RANBP10: variants seen among roughly 807,000 people sequenced by gnomAD.
The protein encoded by RANBP10 is RAN binding protein 10, also known as ran-binding protein 10.
Under a neutral mutation model 72.8 loss-of-function variants are expected in RANBP10, and 24 were observed. The observed-to-expected ratio is 0.33, with a 90% CI of 0.24 to 0.46. The LOEUF (loss-of-function observed/expected upper bound fraction) is 0.46. Ranked by LOEUF, RANBP10 falls within the 20% of genes least tolerant of loss-of-function variation. The probability of loss-of-function intolerance (pLI) is 1.00; values close to 1 mark genes in which losing one functional copy is unlikely to be tolerated. For missense variants in RANBP10, 679 were observed against 817.5 expected (o/e 0.83, Z 2.07); for synonymous variants, 310 against 322.3 (o/e 0.96, Z 0.41).
intron 3 of RANBP10, among the ~76,000 whole-genome samples, chr16:67,752,432 C>A (rs2054214398): frequency 6.6e-6 from 1 of 152,122 alleles, no homozygotes; most frequent in South Asian, 2.1e-4. Context: ...AAGAACGCAG[C>A]CCTGCCAATA....
At position 67,730,323 on chromosome 16, in the gene RANBP10, G is replaced by A. The variant is rs1045364973; in HGVS notation, c.890-277C>T. ...GGTAAATGTGGAGGTCTGCTCCTGC[G>A]GGGCACATGGTGCCAGGGACCTGGG... is the stretch of plus-strand genomic sequence containing the variant. On this transcript the variant is annotated intron_variant, in intron 7 of 13. Coordinates refer to ENST00000317506, the MANE Select transcript of RANBP10 (RefSeq NM_020850.3). The surrounding 1 kb of genome is among the most constrained non-coding windows in gnomAD (Gnocchi z 4.3). Among the ~76,000 whole-genome samples the A allele has an allele frequency of 4.6e-5, 7 of 152,184 alleles. No individual in the cohort carries two copies. Among genetic ancestry groups the A allele is most frequent in the South Asian group, 4.1e-4 (2 of 4,832 alleles).
intron 2 of RANBP10, 148 bp downstream of exon 2, chr16:67,805,280 C>A: frequency 1.6e-6 from 1 of 614,094 alleles, no homozygotes; most frequent in Non-Finnish European, 2.8e-6. Context: ...TTAGACCAGA[C>A]CATGCCCACA....
intron 2 of RANBP10, among the ~76,000 whole-genome samples, chr16:67,800,123 AAACAAC>A (rs893518767): frequency 1.3e-5 from 2 of 151,886 alleles, no homozygotes; most frequent in African/African-American, 4.8e-5. Context: ...TCTGTTTCAA[AAACAAC>A]AACAACAACA....
chr16:67,772,642 A>C (rs772400877), intron 2 of RANBP10, among the ~76,000 whole-genome samples: 9 of 152,048 alleles, frequency 5.9e-5, no homozygotes, highest in Non-Finnish European at 1.3e-4. Flanking sequence ...AAACCACACA[A>C]AGCTGGGAGT....
chr16:67,801,999 G>A (rs1442335092), intron 2 of RANBP10, among the ~76,000 whole-genome samples: 1 of 151,932 alleles, frequency 6.6e-6, no homozygotes, highest in East Asian at 1.9e-4. Flanking sequence ...GGAAGCTGAG[G>A]TGGGAGGATT....
chr16:67,800,093 G>T (rs565718066), intron 2 of RANBP10, among the ~76,000 whole-genome samples: 1 of 152,000 alleles, frequency 6.6e-6, no homozygotes, highest in Non-Finnish European at 1.5e-5. Context: ...CTGCACTCCA[G>T]CCTGGCAACA....
chr16:67,734,746 A>G, intron 6 of RANBP10, 112 bp downstream of exon 6: 2 of 1,168,112 alleles, frequency 1.7e-6, no homozygotes, highest in African/African-American at 1.6e-5. Context: ...TGCTTCCCAG[A>G]AAGGATCCAC....
intron 3 of RANBP10, among the ~76,000 whole-genome samples, chr16:67,756,841 C>T (rs1181420532): frequency 6.6e-6 from 1 of 152,138 alleles, no homozygotes; most frequent in Non-Finnish European, 1.5e-5. Context: ...GCTCGAATCC[C>T]AATTCTGTCA....
At chr16:67,765,343 A>G (rs2143010960) in intron 3 of RANBP10, among the ~76,000 whole-genome samples, 1 of 152,000 alleles carries the variant, frequency 6.6e-6, no homozygotes, top group East Asian at 1.9e-4. Flanking sequence ...CCTGACCAAC[A>G]TGGAGAAACC....
Position 67,805,293 on chromosome 16 carries a change from C to A in RANBP10, c.347+135G>T, listed in dbSNP as rs1364694668. On this transcript the variant is annotated intron_variant, in intron 2 of 13. Coordinates refer to ENST00000317506, the MANE Select transcript of RANBP10 (RefSeq NM_020850.3). ...GCTTAGACCAGACCATGCCCACAGT[C>A]AGGAAATAATGGCAGCCCAGACCCA... 1.7e-5 allele frequency: 11 copies of A among 662,200 alleles called. No homozygotes were observed. The Admixed American group carries it at 3.2e-4, about 19-fold the overall frequency. The allele number at this position is 662,200 out of a possible 1,614,324, so 41.0% of individuals were successfully genotyped here.
intron 2 of RANBP10, among the ~76,000 whole-genome samples, chr16:67,788,926 G>A (rs751915914): frequency 5.3e-5 from 8 of 150,936 alleles, no homozygotes; most frequent in African/African-American, 2.0e-4. Context: ...CTTGAACCGA[G>A]GTGGAGGCTG....
Position 67,723,423 on chromosome 16 carries a change from C to T in RANBP10, c.*3005G>A, listed in dbSNP as rs1453405094. ...TGCCTGGCTGCCACATGGGTGCATACCTGAGTTGTGAGCAACCAAAGGAAC... is the reference window on the plus strand; with the variant it reads ...TGCCTGGCTGCCACATGGGTGCATATCTGAGTTGTGAGCAACCAAAGGAAC... On this transcript the variant is annotated 3_prime_UTR_variant, in exon 14 of 14. Transcript: ENST00000317506. 6.5e-6 allele frequency: 1 copy of T among 152,696 alleles called. No homozygotes were observed. Among genetic ancestry groups the T allele is most frequent in the African/African-American group, 2.4e-5 (1 of 41,460 alleles). The allele number at this position is 152,696 out of a possible 1,614,324, so 9.5% of individuals were successfully genotyped here. A position where few individuals can be genotyped will look rare whatever the true frequency, so the allele number is the denominator to read the frequency against.
At chr16:67,777,264 C>T (rs188442532) in intron 2 of RANBP10, among the ~76,000 whole-genome samples, 25 of 151,938 alleles carry the variant, frequency 1.6e-4, no homozygotes, top group Middle Eastern at 3.4e-3. Flanking sequence ...AGGCTGGGCG[C>T]GGTGGCTCAC....
At chr16:67,776,235 G>A (rs1189384170) in intron 2 of RANBP10, among the ~76,000 whole-genome samples, 4 of 151,598 alleles carry the variant, frequency 2.6e-5, no homozygotes, top group Admixed American at 6.6e-5. Flanking sequence ...TGAGGTCGGC[G>A]GATCACCTGA....
intron 2 of RANBP10, 104 bp downstream of exon 2, chr16:67,805,324 C>A: frequency 1.0e-6 from 1 of 978,716 alleles, no homozygotes; most frequent in South Asian, 1.6e-5. Flanking sequence ...ACCCATGCGG[C>A]TCCCCAGCTC....
chr16:67,794,844 T>C (rs751783475), intron 2 of RANBP10, among the ~76,000 whole-genome samples: 24 of 149,216 alleles, frequency 1.6e-4, no homozygotes, highest in African/African-American at 3.2e-4. Context: ...CTACATATTC[T>C]TTAACAGTTA....
At chr16:67,748,383 C>T (rs2054128841) in intron 3 of RANBP10, among the ~76,000 whole-genome samples, 1 of 151,254 alleles carries the variant, frequency 6.6e-6, no homozygotes, top group South Asian at 2.1e-4. Context: ...ATTAGCCGGG[C>T]GTGGTGGCGG....
intron 3 of RANBP10, among the ~76,000 whole-genome samples, chr16:67,763,979 G>T (rs1417698119): frequency 6.6e-6 from 1 of 152,208 alleles, no homozygotes; most frequent in Non-Finnish European, 1.5e-5. Context: ...TTACAGGCAT[G>T]AGCCACTGCG....
intron 2 of RANBP10, among the ~76,000 whole-genome samples, chr16:67,791,973 A>T (rs1439152348): frequency 6.6e-6 from 1 of 150,870 alleles, no homozygotes; most frequent in African/African-American, 2.4e-5. Flanking sequence ...AGTGCCCAAG[A>T]GTTTGAGGCT....
Sources: allele counts gnomAD v4.1 joint callset (sites outside exome capture counted in the v4.1 genomes callset), GRCh38; gene constraint gnomAD v4.1.1; non-coding constraint Gnocchi (gnomAD v3.1); transcripts MANE v1.5; gene names NCBI Gene and HGNC (gene_info 2026-07-23, HGNC 2026-07-21).